Variants in FBXO11 observed in about 807,000 individuals in gnomAD.
FBXO11 encodes F-box only protein 11.
In FBXO11, 13 loss-of-function variants were observed where a neutral mutation model predicts 117.0. The observed-to-expected ratio is 0.11, with a 90% CI of 0.07 to 0.18. The LOEUF (loss-of-function observed/expected upper bound fraction) is 0.18, where lower values mean the gene tolerates loss of function less well. Among genes scored for constraint, FBXO11 ranks in the 10% least tolerant of loss-of-function variants. The pLI is 1.00. For synonymous variants in FBXO11, 490 were observed against 380.5 expected (o/e 1.29, Z -3.35); for missense variants, 767 against 1,164.4 (o/e 0.66, Z 4.97).
In FBXO11 at chr2:47,808,013, TAC is replaced by T. The variant is rs1443651687; in HGVS notation, c.*103_*104del. ...ACTGACCTTGTGTATCCATTTTTAA[TAC>T]AGTCTCTTCCTGTAGCATGGGCAAA... On this transcript the variant is annotated 3_prime_UTR_variant, in exon 23 of 23. Transcript: ENST00000403359. The T allele has an allele frequency of 7.7e-6, 8 of 1,038,278 alleles. No homozygotes were observed. Among genetic ancestry groups the T allele is most frequent in the East Asian group, 4.8e-5 (2 of 41,882 alleles). The allele number at this position is 1,038,278 out of a possible 1,614,324, so 64.3% of individuals were successfully genotyped here. A position where few individuals can be genotyped will look rare whatever the true frequency, so the allele number is the denominator to read the frequency against.
At chr2:47,867,571 A>G (rs1482201495) in intron 1 of FBXO11, among the ~76,000 whole-genome samples, 1 of 152,180 alleles carries the variant, frequency 6.6e-6, no homozygotes, top group East Asian at 1.9e-4. Context: ...ACACATATGA[A>G]AAAGGTTAAA....
chr2:47,862,281 T>A (rs1674837065), intron 1 of FBXO11, among the ~76,000 whole-genome samples: 1 of 152,120 alleles, frequency 6.6e-6, no homozygotes, highest in African/African-American at 2.4e-5. Context: ...AAAAGCATCT[T>A]GAAATTTGAA....
intron 1 of FBXO11, among the ~76,000 whole-genome samples, chr2:47,877,500 G>C (rs1034592753): frequency 1.3e-5 from 2 of 152,076 alleles, no homozygotes; most frequent in African/African-American, 4.8e-5. Flanking sequence ...CTCTGATGAA[G>C]GTGTTGACTT....
chr2:47,832,794 G>A lies in FBXO11; in HGVS notation c.1128C>T (p.His376=), dbSNP rs1672290547. The A allele has an allele frequency of 6.2e-7, 1 of 1,613,424 alleles. No individual in the cohort carries two copies. The highest frequency in any genetic ancestry group is 1.1e-5 in the South Asian group (1 of 91,064). ...CTGTACATGTACTTCGGATGATACA[G>A]TGATCAATAATAGGGCTACAATTTA... ...ITVNCSPIID[H]CIIRSTCTVG... Residue 376 remains histidine (H), a synonymous_variant, in exon 9 of 23, where the codon CAC becomes CAT. Coordinates refer to ENST00000403359, the MANE Select transcript of FBXO11 (RefSeq NM_001190274.2).
chr2:47,839,331 T>G, intron 3 of FBXO11, 88 bp downstream of exon 3: 1 of 1,207,144 alleles, frequency 8.3e-7, no homozygotes, highest in South Asian at 1.4e-5. Context: ...AAGGTAATAC[T>G]CGAATACACT....
intron 4 of FBXO11, among the ~76,000 whole-genome samples, chr2:47,836,228 C>T (rs1672552186): frequency 6.6e-6 from 1 of 152,220 alleles, no homozygotes; most frequent in East Asian, 1.9e-4. Flanking sequence ...CCTCCCTCTC[C>T]CAGGTTCAAG....
At chr2:47,875,947 G>A (rs567936288) in intron 1 of FBXO11, among the ~76,000 whole-genome samples, 2 of 152,290 alleles carry the variant, frequency 1.3e-5, no homozygotes, top group Admixed American at 1.3e-4. Context: ...AACATGTATA[G>A]AGTAGTACTA....
chr2:47,844,405 C>G (rs1334965579), intron 1 of FBXO11, among the ~76,000 whole-genome samples: 1 of 152,152 alleles, frequency 6.6e-6, no homozygotes. Flanking sequence ...GTCTTTGTTT[C>G]AGATATATTT....
At position 47,837,978 on chromosome 2, in the gene FBXO11, C is replaced by T. The variant is rs1458346873; in HGVS notation, c.587+881G>A. Among the ~76,000 whole-genome samples the T allele has an allele frequency of 2.7e-5, 4 of 150,658 alleles. No homozygotes were observed. In the East Asian group the frequency reaches 7.8e-4, roughly 29 times the overall value. The stretch of plus-strand genomic sequence containing the variant: ...CAATGGCTCATGCCTATAATCCCAG[C>T]ACTTTGGGCGGCCGAGGTAGAAGGA... On this transcript the variant is annotated intron_variant, in intron 4 of 22. Transcript: ENST00000403359.
At chr2:47,881,468 T>C (rs1676427613) in intron 1 of FBXO11, among the ~76,000 whole-genome samples, 1 of 152,208 alleles carries the variant, frequency 6.6e-6, no homozygotes, top group African/African-American at 2.4e-5. Flanking sequence ...ACATGAGTAA[T>C]GTTAAAATTA....
At chr2:47,809,848 C>T (rs570229476) in intron 19 of FBXO11, 141 bp from the exon 20 acceptor site, 3 of 571,156 alleles carry the variant, frequency 5.3e-6, no homozygotes, top group South Asian at 2.4e-5. Flanking sequence ...ATGTAGATAC[C>T]TATTTCAACC....
intron 2 of FBXO11, 31 bp from the exon 3 acceptor site, chr2:47,839,531 A>C (rs889168116): frequency 6.2e-7 from 1 of 1,609,658 alleles, no homozygotes; most frequent in Admixed American, 1.7e-5. Flanking sequence ...CTAGTAAAGC[A>C]AATATTCTTA....
In FBXO11 at chr2:47,903,549, A is replaced by G. The variant is rs570753492; in HGVS notation, c.232+1940T>C. Among the ~76,000 whole-genome samples the G allele has an allele frequency of 5.9e-5, 9 of 152,356 alleles. No individual in the cohort carries two copies. In the East Asian group the frequency reaches 1.3e-3, roughly 23 times the overall value. ...GCTAATAATTTTGAACAAATGAATAAAAGTGTCCAAGACAAAATTACATCA... is the reference window on the plus strand; with the variant it reads ...GCTAATAATTTTGAACAAATGAATAGAAGTGTCCAAGACAAAATTACATCA... On this transcript the variant is annotated intron_variant, in intron 1 of 22. Coordinates refer to ENST00000403359, the MANE Select transcript of FBXO11 (RefSeq NM_001190274.2).
At chr2:47,847,493 G>A (rs1673508635) in intron 1 of FBXO11, among the ~76,000 whole-genome samples, 3 of 152,112 alleles carry the variant, frequency 2.0e-5, no homozygotes, top group Non-Finnish European at 4.4e-5. Flanking sequence ...AGGATCATTT[G>A]AGGTCTGGAG....
In FBXO11 at chr2:47,906,007, C is replaced by T. The variant is rs1023578285; in HGVS notation, c.-287G>A. 3.3e-5 allele frequency: 11 copies of T among 333,592 alleles called. No individual in the cohort carries two copies. Among genetic ancestry groups the T allele is most frequent in the Non-Finnish European group, 5.0e-5 (9 of 180,270 alleles). The allele number at this position is 333,592 out of a possible 1,614,324, so 20.7% of individuals were successfully genotyped here. On this transcript the variant is annotated 5_prime_UTR_variant, in exon 1 of 23. Transcript: ENST00000403359. ...GCCGCGAGGGACGAAGGCAGAAAGA[C>T]GGGCAGACCGAGAGAAAGAAAGAAA...
intron 1 of FBXO11, among the ~76,000 whole-genome samples, chr2:47,877,560 C>G (rs1558465759): frequency 6.6e-6 from 1 of 152,098 alleles, no homozygotes; most frequent in Non-Finnish European, 1.5e-5. Flanking sequence ...TTTTGTTTGG[C>G]AGGTTCATTG....
At chr2:47,885,358 C>A (rs1489981999) in intron 1 of FBXO11, among the ~76,000 whole-genome samples, 1 of 152,092 alleles carries the variant, frequency 6.6e-6, no homozygotes, top group Non-Finnish European at 1.5e-5. Context: ...CTTTGGGAGG[C>A]CGAGGTGAGT....
In FBXO11 at chr2:47,809,648, G is replaced by A. The variant is rs2104626076; in HGVS notation, c.2398C>T (p.Arg800Trp). 2 of 1,613,422 alleles carry A rather than the reference G, an allele frequency of 1.2e-6. No individual in the cohort carries two copies. Among genetic ancestry groups the A allele is most frequent in the Non-Finnish European group, 1.7e-6 (2 of 1,179,772 alleles). The change falls in exon 20 of 23, where the codon CGG becomes TGG. Residue 800 changes from arginine to tryptophan, a missense_variant. By Grantham distance (101) the Arg-to-Trp change is moderately radical (BLOSUM62 -3). Transcript: ENST00000403359. ...GATGCTAAAAATAAGCCTCCAAACC[G>A]GTTGTTAAAAATCTGATTGCCTTCT... ...TLEGNQIFNN[R>W]FGGLFLASGV...
chr2:47,878,677 T>TA (rs1676199810), intron 1 of FBXO11, among the ~76,000 whole-genome samples: 1 of 147,404 alleles, frequency 6.8e-6, no homozygotes, highest in Admixed American at 6.7e-5. Context: ...TTTTTTTTTT[T>TA]AAAGGAATGA....
Sources: gnomAD v4.1 joint callset for allele counts (sites outside exome capture counted in the v4.1 genomes callset) on GRCh38, gnomAD v4.1.1 for gene constraint, MANE v1.5 for transcripts, NCBI Gene and HGNC (gene_info 2026-07-23, HGNC 2026-07-21) for gene names.